PDE4D: variants seen among roughly 807,000 people sequenced by gnomAD.
PDE4D encodes 3',5'-cyclic-AMP phosphodiesterase 4D.
A neutral mutation model predicts 87.4 loss-of-function variants in PDE4D; 24 were observed. The observed-to-expected ratio is 0.27, with a 90% CI of 0.20 to 0.39. PDE4D has a LOEUF of 0.39. PDE4D is among the 10% of genes least tolerant of loss of function. PDE4D has a pLI of 1.00. For missense variants in PDE4D, 714 were observed against 1,041.0 expected (o/e 0.69, Z 4.32); for synonymous variants, 384 against 383.2 (o/e 1.00, Z -0.02).
chr5:59,893,119 G>C, intron 1 of PDE4D, 49 bp downstream of exon 1: 3 of 1,499,468 alleles, frequency 2.0e-6, no homozygotes, highest in Non-Finnish European at 2.7e-6. Flanking sequence ...TTTGAGAAAA[G>C]GGGAGGTGAC....
chr5:59,169,878 A>G (rs568474949), intron 5 of PDE4D, among the ~76,000 whole-genome samples: 1 of 152,280 alleles, frequency 6.6e-6, no homozygotes, highest in Non-Finnish European at 1.5e-5. Context: ...AAGTCTGGGA[A>G]TCAGTCATTT....
intron 5 of PDE4D, among the ~76,000 whole-genome samples, chr5:59,116,469 G>A (rs561760448): frequency 1.2e-4 from 19 of 152,208 alleles, no homozygotes; most frequent in African/African-American, 4.3e-4. Context: ...AATGAGCATC[G>A]AGGTACACGT....
chr5:59,520,636 A>G (rs1812037210), intron 1 of PDE4D, among the ~76,000 whole-genome samples: 1 of 152,152 alleles, frequency 6.6e-6, no homozygotes, highest in Admixed American at 6.6e-5. Context: ...AGATGATAGG[A>G]AAGAGGCCAA....
At chr5:58,991,153 G>A (rs2153340313) in intron 8 of PDE4D, among the ~76,000 whole-genome samples, 1 of 152,170 alleles carries the variant, frequency 6.6e-6, no homozygotes, top group East Asian at 1.9e-4. Flanking sequence ...GTGGTGGTGT[G>A]TGCCTGTAAT....
intron 1 of PDE4D, among the ~76,000 whole-genome samples, chr5:59,344,027 C>T (rs1484415075): frequency 6.6e-6 from 1 of 152,066 alleles, no homozygotes; most frequent in Non-Finnish European, 1.5e-5. Context: ...CAAGAAATTA[C>T]ATTTTGCGTG....
intron 1 of PDE4D, among the ~76,000 whole-genome samples, chr5:59,611,347 C>T (rs1034279214): frequency 6.6e-6 from 1 of 152,040 alleles, no homozygotes; most frequent in African/African-American, 2.4e-5. Context: ...CTCCCAAAGC[C>T]CCACTTCCTA....
At chr5:60,095,404 T>C (rs1775576311) in intron 2 of PDE4D, among the ~76,000 whole-genome samples, 1 of 152,212 alleles carries the variant, frequency 6.6e-6, no homozygotes, top group Non-Finnish European at 1.5e-5. Flanking sequence ...GGATGCATAG[T>C]ATTCTATGGT....
rs143052285 is a variant in PDE4D, at chr5:59,034,633, C to T, written c.921+4226G>A. Among the ~76,000 whole-genome samples the T allele has an allele frequency of 7.5e-3, 1,149 of 152,258 alleles. 22 individuals are homozygous for T. Among genetic ancestry groups the T allele is most frequent in the African/African-American group, 0.025 (1,049 of 41,538 alleles). On this transcript the variant is annotated intron_variant, in intron 6 of 14. Coordinates refer to ENST00000340635, the MANE Select transcript of PDE4D (RefSeq NM_001104631.2). ...CTCTGAGACAAAGCACCCAGCAAAG[C>T]AATTTAATTTATAGGCAACAGAAAC...
intron 3 of PDE4D, among the ~76,000 whole-genome samples, chr5:59,949,170 G>T (rs1044438450): frequency 6.6e-6 from 1 of 152,200 alleles, no homozygotes; most frequent in Non-Finnish European, 1.5e-5. Flanking sequence ...GGTGGCTCAT[G>T]CCTGTAATCC....
At chr5:60,198,990 A>C (rs1284508690) in intron 1 of PDE4D, among the ~76,000 whole-genome samples, 2 of 151,748 alleles carry the variant, frequency 1.3e-5, no homozygotes, top group African/African-American at 4.8e-5. Flanking sequence ...TACAAGATTT[A>C]ACCTTCAGTT....
intron 3 of PDE4D, among the ~76,000 whole-genome samples, chr5:59,947,058 T>C (rs1346933171): frequency 6.6e-6 from 1 of 152,204 alleles, no homozygotes; most frequent in Non-Finnish European, 1.5e-5. Flanking sequence ...AGGCTCCTAA[T>C]AAGGCTTAGG....
At chr5:59,156,331 A>ATGTGTGTGTGTGTGTG (rs60467130) in intron 5 of PDE4D, among the ~76,000 whole-genome samples, 2 of 122,758 alleles carry the variant, frequency 1.6e-5, no homozygotes, top group Non-Finnish European at 3.3e-5. Context: ...ATATATATAT[A>ATGTGTGTGTGTGTGTG]TGTGTGTGTG....
chr5:59,644,572 T>C (rs1742141681), intron 1 of PDE4D, among the ~76,000 whole-genome samples: 1 of 152,246 alleles, frequency 6.6e-6, no homozygotes, highest in Admixed American at 6.5e-5. Flanking sequence ...TGGAAGTTTC[T>C]ATAATGAGAA....
intron 1 of PDE4D, among the ~76,000 whole-genome samples, chr5:59,451,203 T>C (rs1330327132): frequency 6.6e-6 from 1 of 152,224 alleles, no homozygotes. Flanking sequence ...TCCTTTCCTT[T>C]GGCTTCCATA....
At chr5:59,574,104 T>TTATATATATATATAAATATATATTTA (rs1358445887) in intron 1 of PDE4D, among the ~76,000 whole-genome samples, 12 of 5,162 alleles carry the variant, frequency 2.3e-3, no homozygotes, top group South Asian at 0.021. Flanking sequence ...AAATATATAT[T>TTATATATATATATAAATATATATTTA]TATATATATA....
At chr5:59,399,974 A>G (rs1790271083) in intron 1 of PDE4D, among the ~76,000 whole-genome samples, 1 of 116,520 alleles carries the variant, frequency 8.6e-6, no homozygotes, top group Non-Finnish European at 1.8e-5. Context: ...CAAAAAACAC[A>G]TGAAAAAATG....
At chr5:60,026,291 C>A (rs1766615742) in intron 2 of PDE4D, among the ~76,000 whole-genome samples, 1 of 152,072 alleles carries the variant, frequency 6.6e-6, no homozygotes, top group South Asian at 2.1e-4. Flanking sequence ...TTTTAGTCCA[C>A]CCAGACAAGT....
At chr5:59,452,218 T>C (rs946087353) in intron 1 of PDE4D, among the ~76,000 whole-genome samples, 1 of 152,198 alleles carries the variant, frequency 6.6e-6, no homozygotes, top group African/African-American at 2.4e-5. Flanking sequence ...TATTCACACT[T>C]GAGGTTTTAG....
chr5:59,303,607 G>A (rs1243281006), intron 1 of PDE4D, among the ~76,000 whole-genome samples: 1 of 152,078 alleles, frequency 6.6e-6, no homozygotes, highest in Non-Finnish European at 1.5e-5. Flanking sequence ...TCCTATGTGT[G>A]GCTAGCCAAT....
Sources: gnomAD v4.1 joint callset for allele counts (sites outside exome capture counted in the v4.1 genomes callset) on GRCh38, gnomAD v4.1.1 for gene constraint, MANE v1.5 for transcripts, NCBI Gene and HGNC (gene_info 2026-07-23, HGNC 2026-07-21) for gene names.